The following ANK2 variants were observed in gnomAD, a reference collection of about 807,000 sequenced individuals.
ANK2 encodes ankyrin 2, also known as ankyrin-2.
A neutral mutation model predicts 360.5 loss-of-function variants in ANK2; 83 were observed. That is an observed-to-expected ratio of 0.23 (90% CI 0.19 to 0.28). ANK2 has a LOEUF of 0.28. ANK2 is among the 10% of genes least tolerant of loss of function. The pLI is 1.00. For missense variants in ANK2, 4,201 were observed against 4,795.7 expected (o/e 0.88, Z 3.66); for synonymous variants, 1,740 against 1,759.5 (o/e 0.99, Z 0.28).
At chr4:112,722,449 A>C in the ANK2 span, among the ~76,000 whole-genome samples, 1 of 152,324 alleles carries the variant, frequency 6.6e-6, no homozygotes, top group African/African-American at 2.4e-5. Context: ...TCATAAGTAC[A>C]TTCACTGTTT....
intron 2 of ANK2, among the ~76,000 whole-genome samples, chr4:113,009,660 C>T (rs957086549): frequency 3.9e-5 from 6 of 152,114 alleles, no homozygotes; most frequent in African/African-American, 1.4e-4. Context: ...AGGGCATATT[C>T]TCTGGCTCAG....
At chr4:112,921,234 A>G (rs535362996) in intron 2 of ANK2, among the ~76,000 whole-genome samples, 1 of 151,930 alleles carries the variant, frequency 6.6e-6, no homozygotes, top group East Asian at 1.9e-4. Flanking sequence ...CATGTTACCC[A>G]GGCTGGTCTT....
chr4:113,315,702 T>G (rs916571161), intron 24 of ANK2, among the ~76,000 whole-genome samples: 1 of 151,926 alleles, frequency 6.6e-6, no homozygotes, highest in Non-Finnish European at 1.5e-5. Context: ...ATCGAGACCA[T>G]CCTGGCTAAC....
chr4:113,112,242 G>A (rs772562144), intron 1 of ANK2, among the ~76,000 whole-genome samples: 1 of 152,266 alleles, frequency 6.6e-6, no homozygotes, highest in Middle Eastern at 3.4e-3. Flanking sequence ...GTCAAAGAGA[G>A]CACACAAAAT....
intron 2 of ANK2, among the ~76,000 whole-genome samples, chr4:113,190,678 G>A (rs2098646525): frequency 6.6e-6 from 1 of 151,938 alleles, no homozygotes; most frequent in Non-Finnish European, 1.5e-5. Flanking sequence ...AAGGGGAGGA[G>A]GTTTAAAAGT....
intron 1 of ANK2, among the ~76,000 whole-genome samples, chr4:113,092,929 A>T (rs2089251641): frequency 6.6e-6 from 1 of 152,196 alleles, no homozygotes. Context: ...AAATCAAAAA[A>T]TTAGAAGGAG....
At chr4:113,012,421 T>C (rs929672493) in intron 2 of ANK2, among the ~76,000 whole-genome samples, 1 of 152,148 alleles carries the variant, frequency 6.6e-6, no homozygotes, top group African/African-American at 2.4e-5. Flanking sequence ...GGTCTTTCCT[T>C]TCAGAGAATA....
chr4:113,145,694 C>T (rs2096801604), intron 1 of ANK2: 2 of 1,140,830 alleles, frequency 1.8e-6, no homozygotes, highest in South Asian at 3.9e-5. Context: ...TTCTCTCTGA[C>T]ACCAGCAAGC....
chr4:113,072,713 T>C (rs928913396), intron 1 of ANK2, among the ~76,000 whole-genome samples: 1 of 151,400 alleles, frequency 6.6e-6, no homozygotes, highest in African/African-American at 2.4e-5. Flanking sequence ...TTTGGATGAC[T>C]TTTTCCCTTA....
intron 1 of ANK2, chr4:113,145,657 C>A: frequency 8.9e-7 from 1 of 1,122,054 alleles, no homozygotes; most frequent in African/African-American, 1.6e-5. Context: ...TCACTGAATG[C>A]AGCCTGCAGT....
chr4:113,210,632 G>T (rs2099010783), intron 4 of ANK2, among the ~76,000 whole-genome samples: 1 of 152,138 alleles, frequency 6.6e-6, no homozygotes, highest in Non-Finnish European at 1.5e-5. Context: ...GCTTCAATTT[G>T]CTTATCTGTA....
chr4:112,934,029 A>T (rs2154240143), intron 2 of ANK2, among the ~76,000 whole-genome samples: 1 of 152,214 alleles, frequency 6.6e-6, no homozygotes, highest in East Asian at 1.9e-4. Context: ...GATTGAGCCT[A>T]GAGAAAGGAA....
At chr4:113,013,979 A>G (rs147148776) in intron 2 of ANK2, among the ~76,000 whole-genome samples, 105 of 152,148 alleles carry the variant, frequency 6.9e-4, no homozygotes, top group African/African-American at 2.5e-3. Flanking sequence ...GTTTCATTCC[A>G]ATCTTGTATG....
At chr4:112,986,964 T>G (rs2154276199) in intron 2 of ANK2, among the ~76,000 whole-genome samples, 1 of 152,306 alleles carries the variant, frequency 6.6e-6, no homozygotes, top group East Asian at 1.9e-4. Context: ...TCTTTTGGCT[T>G]CCCTAGGCCA....
intron 1 of ANK2, among the ~76,000 whole-genome samples, chr4:113,156,389 A>G (rs62313836): frequency 1.4e-5 from 2 of 137,984 alleles, no homozygotes; most frequent in Non-Finnish European, 3.1e-5. Context: ...TTTGTTTTTG[A>G]GACAGAGTTT....
At chr4:112,723,758 A>AT in the ANK2 span, among the ~76,000 whole-genome samples, 8 of 152,282 alleles carry the variant, frequency 5.3e-5, no homozygotes, top group South Asian at 1.7e-3. Context: ...ACCTAAGAGC[A>AT]TTTCTTTAGA....
chr4:113,122,616 GCT>G (rs765732150), intron 1 of ANK2, among the ~76,000 whole-genome samples: 1 of 152,056 alleles, frequency 6.6e-6, no homozygotes, highest in Non-Finnish European at 1.5e-5. Context: ...CTGGACAGAT[GCT>G]CTTCTTATGT....
chr4:112,741,598 G>A, the ANK2 span, among the ~76,000 whole-genome samples: 2 of 151,996 alleles, frequency 1.3e-5, no homozygotes, highest in African/African-American at 4.8e-5. Flanking sequence ...TTTTGTTTTG[G>A]GTATAACTAA....
intron 45 of ANK2, among the ~76,000 whole-genome samples, chr4:113,377,386 T>C (rs1482526304): frequency 1.3e-5 from 2 of 152,170 alleles, no homozygotes; most frequent in Non-Finnish European, 2.9e-5. Flanking sequence ...GACCATGTCA[T>C]ATATGCAGTC....
Sources: gnomAD v4.1 joint callset for allele counts (sites outside exome capture counted in the v4.1 genomes callset) on GRCh38, gnomAD v4.1.1 for gene constraint, MANE v1.5 for transcripts, NCBI Gene and HGNC (gene_info 2026-07-23, HGNC 2026-07-21) for gene names.